The following TMEM178A variants were observed in gnomAD, a reference collection of about 807,000 sequenced individuals.
TMEM178A encodes the protein transmembrane protein 178A, also known as transmembrane protein 178.
A neutral mutation model predicts 29.1 loss-of-function variants in TMEM178A; 12 were observed. That is an observed-to-expected ratio of 0.41 (90% CI 0.26 to 0.67). The LOEUF is 0.67. Among genes scored for constraint, TMEM178A ranks in the 30% least tolerant of loss-of-function variants. The probability of loss-of-function intolerance (pLI) is 0.29; values close to 1 mark genes in which losing one functional copy is unlikely to be tolerated. For missense variants in TMEM178A, 366 were observed against 419.1 expected, an observed-to-expected ratio of 0.87 and a Z score of 1.11; for synonymous variants, 210 against 187.2, an observed-to-expected ratio of 1.12 and a Z score of -0.99.
In TMEM178A at chr2:39,665,953, G is replaced by T. The variant is rs1265960666; in HGVS notation, c.-22G>T. 6 of 1,342,852 alleles carry T rather than the reference G, an allele frequency of 4.5e-6. No individual in the cohort carries two copies. Among genetic ancestry groups the T allele is most frequent in the African/African-American group, 3.1e-5 (2 of 65,348 alleles). 83.2% of individuals were successfully genotyped at this position (1,342,852 alleles called of 1,614,324 possible). On this transcript the variant is annotated 5_prime_UTR_variant, in exon 1 of 4. Transcript: ENST00000281961. Reference sequence around the variant, plus strand: ...GGCGGCGGCGCGCGAGCCCACCGGCGGCTGCGGCGGGGCGGGAAGCCATGG... The same window carrying T: ...GGCGGCGGCGCGCGAGCCCACCGGCTGCTGCGGCGGGGCGGGAAGCCATGG...
chr2:39,717,651 G>C lies in TMEM178A; in HGVS notation c.*400G>C, dbSNP rs1341425423. ...TATAATTTTCTTGTCATTGTATCAT[G>C]CTTGTTAAATTTTAATGCAGCATCT... On this transcript the variant is annotated 3_prime_UTR_variant, in exon 4 of 4. Coordinates refer to ENST00000281961, the MANE Select transcript of TMEM178A (RefSeq NM_152390.3). The C allele has an allele frequency of 6.2e-6, 1 of 162,574 alleles. No homozygotes were observed. The highest frequency in any genetic ancestry group is 2.4e-5 in the African/African-American group (1 of 41,720). The allele number at this position is 162,574 out of a possible 1,614,324, so 10.1% of individuals were successfully genotyped here. A position where few individuals can be genotyped will look rare whatever the true frequency, so the allele number is the denominator to read the frequency against.
chr2:39,666,515 C>A, intron 1 of TMEM178A, 141 bp downstream of exon 1: 2 of 520,656 alleles, frequency 3.8e-6, no homozygotes, highest in Non-Finnish European at 5.4e-6. Flanking sequence ...CCCGCCGCCT[C>A]CAGTCTTTAT....
chr2:39,724,515 C>A, the TMEM178A span, among the ~76,000 whole-genome samples: 1 of 152,152 alleles, frequency 6.6e-6, no homozygotes, highest in Non-Finnish European at 1.5e-5. Flanking sequence ...TATTAAGTTA[C>A]ACTAACAATA....
intron 3 of TMEM178A, among the ~76,000 whole-genome samples, chr2:39,716,361 T>C (rs192434676): frequency 1.3e-5 from 2 of 152,308 alleles, no homozygotes; most frequent in African/African-American, 4.8e-5. Context: ...AAGTTTTGGG[T>C]CTGTCCATGT....
chr2:39,706,778 C>T (rs1204851583), intron 2 of TMEM178A, among the ~76,000 whole-genome samples: 1 of 152,302 alleles, frequency 6.6e-6, no homozygotes, highest in Middle Eastern at 3.4e-3. Flanking sequence ...TCAGGTCTAT[C>T]CTGGGCTTGT....
chr2:39,698,129 C>G (rs2540245), intron 1 of TMEM178A: 1 of 152,104 alleles, frequency 6.6e-6, no homozygotes, highest in East Asian at 1.9e-4. Flanking sequence ...GTACATGTAG[C>G]AACTCTAGCT....
chr2:39,674,855 C>G (rs1423743702), intron 1 of TMEM178A, among the ~76,000 whole-genome samples: 1 of 151,776 alleles, frequency 6.6e-6, no homozygotes, highest in Non-Finnish European at 1.5e-5. Flanking sequence ...GTTACCTTTT[C>G]TTTCTGAAAT....
chr2:39,708,692 C>T (rs544935824), intron 3 of TMEM178A, among the ~76,000 whole-genome samples: 4 of 152,038 alleles, frequency 2.6e-5, no homozygotes, highest in Admixed American at 6.5e-5. Context: ...GCTGGGATTA[C>T]AGGCGTGAGC....
At chr2:39,712,051 G>GTGTGTGTGTGTT (rs1417071599) in intron 3 of TMEM178A, among the ~76,000 whole-genome samples, 18 of 151,148 alleles carry the variant, frequency 1.2e-4, no homozygotes, top group Admixed American at 1.2e-3. Context: ...TTGTGTGTGT[G>GTGTGTGTGTGTT]TGTGTGTGTG....
chr2:39,727,303 G>A, the TMEM178A span, among the ~76,000 whole-genome samples: 9 of 152,274 alleles, frequency 5.9e-5, no homozygotes, highest in African/African-American at 2.2e-4. Flanking sequence ...CTGCCTGGTA[G>A]CTAAGTAAAT....
chr2:39,721,213 A>C (rs1672696771), downstream of TMEM178A, among the ~76,000 whole-genome samples: 1 of 152,260 alleles, frequency 6.6e-6, no homozygotes, highest in African/African-American at 2.4e-5. Context: ...CAAATGCTTG[A>C]AGATGCTCAG....
chr2:39,686,259 C>T (rs955362472), intron 1 of TMEM178A, among the ~76,000 whole-genome samples: 2 of 152,120 alleles, frequency 1.3e-5, no homozygotes, highest in African/African-American at 2.4e-5. Flanking sequence ...TGAGGAGTGG[C>T]GAGGACTGTG....
At chr2:39,734,620 T>C in the TMEM178A span, among the ~76,000 whole-genome samples, 2 of 152,238 alleles carry the variant, frequency 1.3e-5, no homozygotes, top group East Asian at 3.8e-4. Context: ...ATTTCAAAAT[T>C]AGCAAGTCTA....
chr2:39,732,191 C>A, the TMEM178A span, among the ~76,000 whole-genome samples: 1 of 152,160 alleles, frequency 6.6e-6, no homozygotes, highest in South Asian at 2.1e-4. Flanking sequence ...CACTTTCTTT[C>A]CTGTCTTTCA....
At chr2:39,667,828 G>A (rs1264416831) in intron 1 of TMEM178A, among the ~76,000 whole-genome samples, 1 of 152,162 alleles carries the variant, frequency 6.6e-6, no homozygotes, top group Admixed American at 6.5e-5. Flanking sequence ...ATCCAAATCT[G>A]ATTTCTCCTC....
chr2:39,717,062 T>C lies in TMEM178A; in HGVS notation c.705T>C (p.Asp235=). The change falls in exon 4 of 4, where the codon GAT becomes GAC. Residue 235 remains aspartate (D), a synonymous_variant. Coordinates refer to ENST00000281961, the MANE Select transcript of TMEM178A (RefSeq NM_152390.3). The stretch of plus-strand genomic sequence containing the variant: ...CTTATGCCGCCAGTATCTCGTATGA[T>C]TTGAACCGGCTCCCAAAGCTAATTT... ...LCTYAASISY[D]LNRLPKLIYS... 6.2e-7 allele frequency: 1 copy of C among 1,610,710 alleles called. No homozygotes were observed. The highest frequency in any genetic ancestry group is 8.5e-7 in the Non-Finnish European group (1 of 1,179,484).
chr2:39,706,231 A>G (rs1672028583), intron 2 of TMEM178A, among the ~76,000 whole-genome samples: 1 of 152,134 alleles, frequency 6.6e-6, no homozygotes, highest in Admixed American at 6.5e-5. Context: ...TTTGCAATAG[A>G]CCAAACTAGA....
At chr2:39,710,633 T>C (rs889210060) in intron 3 of TMEM178A, among the ~76,000 whole-genome samples, 1 of 151,584 alleles carries the variant, frequency 6.6e-6, no homozygotes, top group Non-Finnish European at 1.5e-5. Context: ...GAGACAACCA[T>C]GTCAATCTAT....
intron 3 of TMEM178A, among the ~76,000 whole-genome samples, chr2:39,715,016 G>A (rs760607901): frequency 1.6e-4 from 24 of 151,998 alleles, no homozygotes; most frequent in Admixed American, 7.9e-4. Flanking sequence ...TTTTTCCCTA[G>A]ATGAAGAAAC....
Sources: gnomAD v4.1 joint callset for allele counts (sites outside exome capture counted in the v4.1 genomes callset) on GRCh38, gnomAD v4.1.1 for gene constraint, MANE v1.5 for transcripts, NCBI Gene and HGNC (gene_info 2026-07-23, HGNC 2026-07-21) for gene names.